Variants in GSKIP observed in about 807,000 individuals in gnomAD.
The protein encoded by GSKIP is GSK3B-interacting protein.
Under a neutral mutation model 11.9 loss-of-function variants are expected in GSKIP, and 5 were observed. The ratio of observed to expected loss-of-function variants is 0.42; its 90% CI spans 0.22 to 0.89. GSKIP has a LOEUF of 0.89. GSKIP is among the 40% of genes least tolerant of loss of function. GSKIP has a pLI of 0.29. For missense variants in GSKIP, 150 were observed against 166.6 expected (o/e 0.90, Z 0.55); for synonymous variants, 70 against 62.9 (o/e 1.11, Z -0.54).
At chr14:96,372,699 A>G (rs1392634096) in intron 1 of GSKIP, among the ~76,000 whole-genome samples, 1 of 152,234 alleles carries the variant, frequency 6.6e-6, no homozygotes, top group Non-Finnish European at 1.5e-5. Flanking sequence ...TGTATTGCCT[A>G]GAGCCAGGCA....
chr14:96,366,627 G>A (rs1020040302), intron 1 of GSKIP, among the ~76,000 whole-genome samples: 15 of 152,272 alleles, frequency 9.9e-5, no homozygotes, highest in Admixed American at 6.5e-4. Flanking sequence ...GTGTGGTGAC[G>A]TGCCCCTGTA....
intron 2 of GSKIP, among the ~76,000 whole-genome samples, chr14:96,381,867 C>T (rs1187136889): frequency 6.6e-6 from 1 of 152,012 alleles, no homozygotes; most frequent in African/African-American, 2.4e-5. Context: ...TAAGTATGTC[C>T]TTTGACTCAG....
At chr14:96,368,825 C>T (rs939503674) in intron 1 of GSKIP, among the ~76,000 whole-genome samples, 3 of 152,086 alleles carry the variant, frequency 2.0e-5, no homozygotes, top group African/African-American at 7.2e-5. Flanking sequence ...GTGGAAACAT[C>T]TAAGGCAGAA....
chr14:96,364,567 C>G (rs1425323072), intron 1 of GSKIP: 1 of 152,218 alleles, frequency 6.6e-6, no homozygotes, highest in Non-Finnish European at 1.5e-5. Context: ...GGAGAAACAT[C>G]TGGTTCCCCT....
chr14:96,371,442 C>CT lies in GSKIP; in HGVS notation c.-103+7894dup, dbSNP rs570686090. 9.4e-3 allele frequency among the ~76,000 whole-genome samples: 1,058 copies of CT among 112,760 alleles called. 13 individuals are homozygous for CT. The highest frequency in any genetic ancestry group is 0.013 in the South Asian group (47 of 3,566). The allele number at this position is 112,760 out of a possible 152,430, so 74.0% of individuals were successfully genotyped here. A position where few individuals can be genotyped will look rare whatever the true frequency, so the allele number is the denominator to read the frequency against. ...TTAAAAAATTAAAGCTATCAACAATCTTTTTTTTTTTTTTTTTTTTGAGAC... is the reference window on the plus strand; with the variant it reads ...TTAAAAAATTAAAGCTATCAACAATCTTTTTTTTTTTTTTTTTTTTTGAGAC... On this transcript the variant is annotated intron_variant, in intron 1 of 3. Transcript: ENST00000555181.
chr14:96,381,152 A>T (rs1194297487), intron 2 of GSKIP, among the ~76,000 whole-genome samples: 1 of 152,234 alleles, frequency 6.6e-6, no homozygotes, highest in African/African-American at 2.4e-5. Flanking sequence ...TTTCACATTA[A>T]CTTTTCTCAT....
chr14:96,374,521 C>G (rs150782934), intron 1 of GSKIP, among the ~76,000 whole-genome samples: 2 of 152,184 alleles, frequency 1.3e-5, no homozygotes, highest in African/African-American at 4.8e-5. Context: ...GTGTGATAGT[C>G]GAGAAACATC....
At chr14:96,379,544 C>A (rs1889291247) in intron 1 of GSKIP, 144 bp from the exon 2 acceptor site, 1 of 152,110 alleles carries the variant, frequency 6.6e-6, no homozygotes, top group African/African-American at 2.4e-5. Flanking sequence ...AAAATAATAG[C>A]TAAAAATGTT....
intron 1 of GSKIP, among the ~76,000 whole-genome samples, chr14:96,377,491 A>G (rs1889233695): frequency 6.6e-6 from 1 of 152,238 alleles, no homozygotes; most frequent in African/African-American, 2.4e-5. Context: ...CAGATAATCC[A>G]TTGAGCAGAA....
intron 1 of GSKIP, among the ~76,000 whole-genome samples, chr14:96,370,274 C>T (rs1889008294): frequency 6.6e-6 from 1 of 152,076 alleles, no homozygotes; most frequent in African/African-American, 2.4e-5. Flanking sequence ...AGAATTTGGA[C>T]TTTTGAGTTG....
At chr14:96,371,442 CTTTTT>C (rs570686090) in intron 1 of GSKIP, among the ~76,000 whole-genome samples, 3 of 112,780 alleles carry the variant, frequency 2.7e-5, no homozygotes, top group Non-Finnish European at 1.8e-5. Context: ...TATCAACAAT[CTTTTT>C]TTTTTTTTTT....
At chr14:96,377,212 A>G (rs759664880) in intron 1 of GSKIP, among the ~76,000 whole-genome samples, 10 of 152,236 alleles carry the variant, frequency 6.6e-5, no homozygotes, top group Non-Finnish European at 1.2e-4. Context: ...TCAGATGGCT[A>G]TTAGCTGCTG....
In GSKIP at chr14:96,385,726, T is replaced by C. The variant is rs762521727; in HGVS notation, c.*42T>C. ...CAGAGGGGCTGGTGCTGGTACAGAA[T>C]GTTGATATAAAGCTTAAAATTCTTG... On this transcript the variant is annotated 3_prime_UTR_variant, in exon 4 of 4. Transcript: ENST00000555181. 25 of 1,529,034 alleles carry C rather than the reference T, an allele frequency of 1.6e-5. No individual in the cohort carries two copies. Among genetic ancestry groups the C allele is most frequent in the Admixed American group, 7.8e-5 (4 of 51,170 alleles). 94.7% of individuals were successfully genotyped at this position (1,529,034 alleles called of 1,614,324 possible). A position where few individuals can be genotyped will look rare whatever the true frequency, so the allele number is the denominator to read the frequency against.
At chr14:96,364,350 C>G (rs1163685946) in intron 1 of GSKIP, 1 of 152,200 alleles carries the variant, frequency 6.6e-6, no homozygotes, top group African/African-American at 2.4e-5. Context: ...GCCTCCTTTG[C>G]CGAGTGTGAG....
intron 1 of GSKIP, among the ~76,000 whole-genome samples, chr14:96,369,231 C>G (rs1888980065): frequency 6.6e-6 from 1 of 152,146 alleles, no homozygotes. Context: ...AGTGGCGTGG[C>G]TGCTTTTAAC....
intron 1 of GSKIP, among the ~76,000 whole-genome samples, chr14:96,377,726 C>A (rs1889239482): frequency 6.6e-6 from 1 of 152,170 alleles, no homozygotes; most frequent in Non-Finnish European, 1.5e-5. Context: ...CTCCTGTCAT[C>A]ACCAGCTAAC....
intron 3 of GSKIP, among the ~76,000 whole-genome samples, chr14:96,385,109 T>TA (rs1263935822): frequency 6.6e-6 from 1 of 152,192 alleles, no homozygotes; most frequent in Non-Finnish European, 1.5e-5. Flanking sequence ...TTATAGTACT[T>TA]AATATAGTGG....
At position 96,382,225 on chromosome 14, in the gene GSKIP, C is replaced by A. The variant is rs200051168; in HGVS notation, c.-1-22C>A. The A allele has an allele frequency of 4.0e-5, 58 of 1,458,636 alleles. 1 individual carries two copies. In the East Asian group the frequency reaches 1.1e-3, roughly 29 times the overall value. The allele number at this position is 1,458,636 out of a possible 1,614,324, so 90.4% of individuals were successfully genotyped here. A position where few individuals can be genotyped will look rare whatever the true frequency, so the allele number is the denominator to read the frequency against. ...GTCTTTCTATAAACAAATTTTATAA[C>A]TGCTTTTTTTTTTTTTTACAGAATG... On this transcript the variant is annotated intron_variant, in intron 2 of 3. Coordinates refer to ENST00000555181, the MANE Select transcript of GSKIP (RefSeq NM_016472.5).
intron 1 of GSKIP, among the ~76,000 whole-genome samples, chr14:96,375,494 C>T (rs533524845): frequency 2.4e-4 from 36 of 150,038 alleles, no homozygotes; most frequent in African/African-American, 7.1e-4. Flanking sequence ...AGTACAGTGG[C>T]GCAATCTCGG....
Sources: gnomAD v4.1 joint callset for allele counts (sites outside exome capture counted in the v4.1 genomes callset) on GRCh38, gnomAD v4.1.1 for gene constraint, MANE v1.5 for transcripts, NCBI Gene and HGNC (gene_info 2026-07-23, HGNC 2026-07-21) for gene names.